Variants in NUP210L observed in about 807,000 individuals in gnomAD.
The protein encoded by NUP210L is nuclear pore membrane glycoprotein 210-like.
Under a neutral mutation model 208.5 loss-of-function variants are expected in NUP210L, and 74 were observed. That is an observed-to-expected ratio of 0.35 (90% CI 0.29 to 0.43). NUP210L has a LOEUF of 0.43. Among genes scored for constraint, NUP210L ranks in the 20% least tolerant of loss-of-function variants. The probability of loss-of-function intolerance (pLI) is 1.00; values close to 1 mark genes in which losing one functional copy is unlikely to be tolerated. For synonymous variants in NUP210L, 780 were observed against 816.9 expected, an observed-to-expected ratio of 0.95 and a Z score of 0.77; for missense variants, 1,843 against 2,289.4, an observed-to-expected ratio of 0.81 and a Z score of 3.98.
At chr1:154,151,199 T>C (rs1659363215) in intron 2 of NUP210L, among the ~76,000 whole-genome samples, 1 of 151,582 alleles carries the variant, frequency 6.6e-6, no homozygotes, top group Admixed American at 6.6e-5. Context: ...TTTTCTGACT[T>C]TCGTATCCTT....
chr1:154,093,960 G>A (rs1447611511), intron 15 of NUP210L, among the ~76,000 whole-genome samples: 1 of 152,046 alleles, frequency 6.6e-6, no homozygotes, highest in Non-Finnish European at 1.5e-5. Context: ...AGACCAGTCT[G>A]GCCAACACAG....
At chr1:154,026,676 A>T (rs1651892025) in intron 29 of NUP210L, among the ~76,000 whole-genome samples, 1 of 152,200 alleles carries the variant, frequency 6.6e-6, no homozygotes, top group Non-Finnish European at 1.5e-5. Flanking sequence ...ATGAAATTAT[A>T]AACTAAATGT....
rs767136349 is a variant in NUP210L, at chr1:154,012,389, A to G, written c.4654-19T>C. ...CCACCACCTGTCAGCAAATCAAAGG[A>G]AAATCTGCACCTAAGTTCCTAGAGA... is the stretch of plus-strand genomic sequence containing the variant. On this transcript the variant is annotated intron_variant, in intron 33 of 39. Transcript: ENST00000368559. 13 of 1,607,850 alleles carry G rather than the reference A, an allele frequency of 8.1e-6. No individual in the cohort carries two copies. In the South Asian group the frequency reaches 1.5e-4, roughly 18 times the overall value.
chr1:154,139,706 G>T, intron 5 of NUP210L, 96 bp downstream of exon 5: 6 of 838,512 alleles, frequency 7.2e-6, no homozygotes, highest in South Asian at 1.9e-5. Flanking sequence ...AAAAAAAACA[G>T]GGCGGGTAGT....
intron 27 of NUP210L, 68 bp downstream of exon 27, chr1:154,045,999 CTT>C (rs1653153947): frequency 5.6e-6 from 8 of 1,423,666 alleles, no homozygotes; most frequent in Admixed American, 4.5e-5. Flanking sequence ...CAAAAAGAAA[CTT>C]ATGATAAATT....
chr1:154,120,372 C>T (rs1431627901), intron 10 of NUP210L, among the ~76,000 whole-genome samples: 1 of 151,926 alleles, frequency 6.6e-6, no homozygotes, highest in African/African-American at 2.4e-5. Flanking sequence ...CAAACTATCA[C>T]AAGGACAAAA....
chr1:154,152,102 A>AG (rs1321651579), intron 2 of NUP210L, among the ~76,000 whole-genome samples: 28 of 143,146 alleles, frequency 2.0e-4, no homozygotes, highest in Non-Finnish European at 3.2e-4. Flanking sequence ...AAAAAAAAAA[A>AG]AAAAAGAAAG....
intron 18 of NUP210L, 76 bp downstream of exon 18, chr1:154,061,510 G>A (rs1194241117): frequency 1.1e-5 from 10 of 902,338 alleles, no homozygotes; most frequent in Admixed American, 4.6e-5. Flanking sequence ...CTTTATGTAA[G>A]TTGTACAACT....
At chr1:154,010,095 C>T in exon 35 of NUP210L, 9 of 1,613,636 alleles carry the variant, frequency 5.6e-6, no homozygotes, top group Admixed American at 1.7e-5. Flanking sequence ...TTTGTAATGG[C>T]CAAGGCCTGG....
intron 7 of NUP210L, among the ~76,000 whole-genome samples, chr1:154,133,735 G>A (rs1437499187): frequency 2.0e-5 from 3 of 152,060 alleles, no homozygotes; most frequent in Middle Eastern, 3.2e-3. Flanking sequence ...CAGCTACTTG[G>A]GAGGCTGAGC....
At chr1:154,154,224 C>T (rs1393204624) in intron 1 of NUP210L, among the ~76,000 whole-genome samples, 1 of 152,166 alleles carries the variant, frequency 6.6e-6, no homozygotes, top group African/African-American at 2.4e-5. Flanking sequence ...GAAGTTTACA[C>T]TTCATAGTCT....
At chr1:154,113,371 T>C (rs1374063747) in intron 12 of NUP210L, among the ~76,000 whole-genome samples, 2 of 151,786 alleles carry the variant, frequency 1.3e-5, no homozygotes, top group African/African-American at 2.4e-5. Flanking sequence ...CATATCACTC[T>C]ACATTTTTAA....
intron 27 of NUP210L, among the ~76,000 whole-genome samples, chr1:154,032,948 AAG>A (rs1389664405): frequency 1.0e-5 from 1 of 99,722 alleles, no homozygotes; most frequent in Admixed American, 1.2e-4. Context: ...AAAAGAAAGA[AAG>A]AAGAAAAGAA....
At chr1:154,007,270 T>C (rs11264836) in intron 35 of NUP210L, among the ~76,000 whole-genome samples, 2,509 of 98,130 alleles carry the variant, frequency 0.026, 65 homozygotes, top group African/African-American at 0.1. Context: ...CTTATATATA[T>C]ATTTTTTTTG....
At chr1:154,147,774 G>A (rs1459906689) in intron 2 of NUP210L, among the ~76,000 whole-genome samples, 4 of 150,970 alleles carry the variant, frequency 2.6e-5, no homozygotes, top group African/African-American at 9.7e-5. Context: ...TCGTCCCTCA[G>A]CCTCCAGAGT....
intron 20 of NUP210L, among the ~76,000 whole-genome samples, chr1:154,059,716 T>C (rs1654041598): frequency 6.6e-6 from 1 of 152,172 alleles, no homozygotes; most frequent in Non-Finnish European, 1.5e-5. Flanking sequence ...TCCTGCACAA[T>C]AGCATGTTTT....
intron 28 of NUP210L, among the ~76,000 whole-genome samples, chr1:154,028,799 T>C (rs1358181941): frequency 2.6e-5 from 4 of 151,844 alleles, no homozygotes; most frequent in Non-Finnish European, 4.4e-5. Flanking sequence ...CTAATGTTAA[T>C]AGTATATAAA....
chr1:154,022,763 T>C (rs2147929193), intron 31 of NUP210L, among the ~76,000 whole-genome samples: 1 of 150,624 alleles, frequency 6.6e-6, no homozygotes, highest in South Asian at 2.1e-4. Context: ...CTGCAACCTC[T>C]GCCTCCTGGG....
chr1:154,112,637 CTT>C (rs1657098166), intron 12 of NUP210L, among the ~76,000 whole-genome samples: 1 of 152,082 alleles, frequency 6.6e-6, no homozygotes. Flanking sequence ...GGGAAGATCG[CTT>C]GAGCCCAGGA....
Sources: gnomAD v4.1 joint callset for allele counts (sites outside exome capture counted in the v4.1 genomes callset) on GRCh38, gnomAD v4.1.1 for gene constraint, MANE v1.5 for transcripts, NCBI Gene and HGNC (gene_info 2026-07-23, HGNC 2026-07-21) for gene names.